Variants in ATXN1 observed in about 807,000 individuals in gnomAD.
ATXN1 encodes the protein ataxin-1.
In ATXN1, 8 loss-of-function variants were observed where a neutral mutation model predicts 56.4. That is an observed-to-expected ratio of 0.14 (90% CI 0.08 to 0.26). The LOEUF (loss-of-function observed/expected upper bound fraction) is 0.26, where lower values mean the gene tolerates loss of function less well. ATXN1 is among the 10% of genes least tolerant of loss of function. ATXN1 has a pLI of 1.00. For missense variants in ATXN1, 987 were observed against 1,106.5 expected (o/e 0.89, Z 1.53); for synonymous variants, 514 against 494.6 (o/e 1.04, Z -0.52).
intron 4 of ATXN1, among the ~76,000 whole-genome samples, chr6:16,553,046 A>G (rs1012927436): frequency 6.6e-6 from 1 of 152,222 alleles, no homozygotes; most frequent in African/African-American, 2.4e-5. Flanking sequence ...GGTGTTGTTC[A>G]AATTCCGCTT....
At chr6:16,401,110 C>T (rs538926398) in intron 6 of ATXN1, among the ~76,000 whole-genome samples, 85 of 152,214 alleles carry the variant, frequency 5.6e-4, no homozygotes, top group African/African-American at 2.0e-3. Context: ...ATGCTAGTAC[C>T]CCATTAATTT....
intron 2 of ATXN1, chr6:16,738,790 A>G (rs561422068): frequency 1.3e-5 from 2 of 152,380 alleles, no homozygotes. Flanking sequence ...ACCCTATAAG[A>G]TATGTAAACA....
chr6:16,330,305 GA>G (rs1036453956), intron 6 of ATXN1, among the ~76,000 whole-genome samples: 69 of 151,666 alleles, frequency 4.5e-4, no homozygotes, highest in Middle Eastern at 6.9e-3. Context: ...AATCCCTACT[GA>G]AACATAACCC....
intron 4 of ATXN1, among the ~76,000 whole-genome samples, chr6:16,539,218 T>C (rs1429640765): frequency 6.6e-6 from 1 of 152,242 alleles, no homozygotes; most frequent in Non-Finnish European, 1.5e-5. Flanking sequence ...TTTCATTTTA[T>C]AACAAGGGTT....
At chr6:16,727,874 G>A (rs1759884784) in intron 2 of ATXN1, among the ~76,000 whole-genome samples, 1 of 152,200 alleles carries the variant, frequency 6.6e-6, no homozygotes, top group Non-Finnish European at 1.5e-5. Flanking sequence ...AAGCCGAGAT[G>A]CCAGTGGGCA....
intron 6 of ATXN1, among the ~76,000 whole-genome samples, chr6:16,358,196 T>G (rs1761731182): frequency 1.3e-5 from 2 of 152,338 alleles, no homozygotes; most frequent in Non-Finnish European, 2.9e-5. Context: ...ACGGGAACAC[T>G]TTTACATTGC....
intron 3 of ATXN1, among the ~76,000 whole-genome samples, chr6:16,587,871 C>T (rs1762654707): frequency 1.3e-5 from 2 of 150,742 alleles, no homozygotes; most frequent in Non-Finnish European, 2.9e-5. Flanking sequence ...GCAGAGGTTG[C>T]AGTAAGCTGA....
chr6:16,718,207 T>A (rs1378225651), intron 2 of ATXN1, among the ~76,000 whole-genome samples: 1 of 152,198 alleles, frequency 6.6e-6, no homozygotes, highest in Admixed American at 6.5e-5. Flanking sequence ...AAACAAAGGC[T>A]CAGTGTATAG....
chr6:16,324,888 A>G (rs1760765930), intron 7 of ATXN1, among the ~76,000 whole-genome samples: 1 of 152,156 alleles, frequency 6.6e-6, no homozygotes, highest in Non-Finnish European at 1.5e-5. Context: ...GATTGTATTA[A>G]CCACGCTTTT....
chr6:16,644,563 GGTGTGTGT>G (rs113345902), intron 3 of ATXN1, among the ~76,000 whole-genome samples: 3 of 142,922 alleles, frequency 2.1e-5, no homozygotes, highest in Admixed American at 7.0e-5. Context: ...TAAATTTTAT[GGTGTGTGT>G]GTGTGTGTGT....
chr6:16,750,970 T>C (rs912599009), intron 2 of ATXN1, among the ~76,000 whole-genome samples: 11 of 119,298 alleles, frequency 9.2e-5, no homozygotes, highest in African/African-American at 3.3e-4. Flanking sequence ...TTTCCTCTCT[T>C]TTTTTTTTTT....
In ATXN1 at chr6:16,512,205, C is replaced by T. The variant is rs199546710; in HGVS notation, c.-299+10422G>A. Among the ~76,000 whole-genome samples the T allele has an allele frequency of 7.9e-5, 12 of 152,338 alleles. No homozygotes were observed. In the East Asian group the frequency reaches 1.9e-3, roughly 24 times the overall value. On this transcript the variant is annotated intron_variant, in intron 5 of 7. Transcript: ENST00000436367. ...CCACGGCAGATATGAAAGGCTTTACCACATAGTTTTCATACACAGTTCTTC... is the reference window on the plus strand; with the variant it reads ...CCACGGCAGATATGAAAGGCTTTACTACATAGTTTTCATACACAGTTCTTC...
At chr6:16,664,165 A>C (rs1218149151) in intron 2 of ATXN1, among the ~76,000 whole-genome samples, 1 of 152,252 alleles carries the variant, frequency 6.6e-6, no homozygotes, top group Non-Finnish European at 1.5e-5. Context: ...AGCAGATGCT[A>C]CTAATTAACA....
At chr6:16,678,759 G>C (rs1244456817) in intron 2 of ATXN1, among the ~76,000 whole-genome samples, 1 of 152,118 alleles carries the variant, frequency 6.6e-6, no homozygotes, top group East Asian at 1.9e-4. Flanking sequence ...GAAGGGGCTG[G>C]GTGCGGTGGC....
intron 4 of ATXN1, among the ~76,000 whole-genome samples, chr6:16,538,603 C>T (rs1052722682): frequency 5.2e-5 from 7 of 135,466 alleles, no homozygotes; most frequent in Non-Finnish European, 7.9e-5. Context: ...CCACAACAGG[C>T]CCCGGTGTGT....
At chr6:16,754,768 G>A (rs557229186) in intron 1 of ATXN1, 1 of 152,192 alleles carries the variant, frequency 6.6e-6, no homozygotes, top group Non-Finnish European at 1.5e-5. Flanking sequence ...GAGAAGGAAG[G>A]TAAGCTGTTA....
intron 3 of ATXN1, among the ~76,000 whole-genome samples, chr6:16,590,793 C>G (rs1362298916): frequency 3.3e-5 from 5 of 151,790 alleles, no homozygotes; most frequent in African/African-American, 9.7e-5. Context: ...CCTCAGCCTC[C>G]TGGGTAGCTG....
chr6:16,477,737 G>A (rs1205799265), intron 6 of ATXN1, among the ~76,000 whole-genome samples: 4 of 152,170 alleles, frequency 2.6e-5, no homozygotes, highest in East Asian at 3.8e-4. Context: ...CTTTGAGATC[G>A]CCTAACATCT....
intron 6 of ATXN1, among the ~76,000 whole-genome samples, chr6:16,406,934 T>C (rs775556833): frequency 1.3e-5 from 2 of 152,222 alleles, no homozygotes; most frequent in Non-Finnish European, 2.9e-5. Context: ...CCGTGTACTC[T>C]TGTGGCAAAA....
Sources: gnomAD v4.1 joint callset for allele counts (sites outside exome capture counted in the v4.1 genomes callset) on GRCh38, gnomAD v4.1.1 for gene constraint, MANE v1.5 for transcripts, NCBI Gene and HGNC (gene_info 2026-07-23, HGNC 2026-07-21) for gene names.